DENND5B: variants seen among roughly 807,000 people sequenced by gnomAD.
DENND5B encodes DENN domain containing 5B, also known as DENN domain-containing protein 5B.
In DENND5B, 34 loss-of-function variants were observed where a neutral mutation model predicts 140.6. That is an observed-to-expected ratio of 0.24 (90% confidence interval 0.18 to 0.32). DENND5B has a LOEUF of 0.32. Among genes scored for constraint, DENND5B ranks in the 10% least tolerant of loss-of-function variants. The pLI, the probability that DENND5B is intolerant of heterozygous loss-of-function variation, is 1.00. For missense variants in DENND5B, 1,142 were observed against 1,560.2 expected (o/e 0.73, Z 4.52); for synonymous variants, 551 against 562.1 (o/e 0.98, Z 0.28).
At chr12:31,417,810 C>CA (rs1942828104) in intron 11 of DENND5B, among the ~76,000 whole-genome samples, 1 of 152,138 alleles carries the variant, frequency 6.6e-6, no homozygotes, top group African/African-American at 2.4e-5. Context: ...GAAATTCCAA[C>CA]ATCATACTCA....
At chr12:31,474,437 G>A (rs147262095) in intron 3 of DENND5B, among the ~76,000 whole-genome samples, 10 of 152,264 alleles carry the variant, frequency 6.6e-5, no homozygotes, top group African/African-American at 2.2e-4. Context: ...CTAGAAAAGA[G>A]CCTTCACATC....
In DENND5B at chr12:31,387,917, GGAGA is replaced by G. The variant is rs900107297; in HGVS notation, c.3642-135_3642-132del. ...AAAATGTATCCAAGCTAAGAGGTCA[GGAGA>G]GAGGAAATCAAAGCCAAGAAGTTGA... is the stretch of plus-strand genomic sequence containing the variant. On this transcript the variant is annotated intron_variant, in intron 20 of 20. Coordinates refer to ENST00000389082, the MANE Select transcript of DENND5B (RefSeq NM_144973.4). 1.6e-5 allele frequency: 14 copies of G among 890,644 alleles called. No homozygotes were observed. In the African/African-American group the frequency reaches 2.0e-4, roughly 13 times the overall value. The allele number at this position is 890,644 out of a possible 1,614,324, so 55.2% of individuals were successfully genotyped here.
chr12:31,530,916 T>C (rs1428129101), intron 1 of DENND5B, among the ~76,000 whole-genome samples: 1 of 152,210 alleles, frequency 6.6e-6, no homozygotes, highest in Non-Finnish European at 1.5e-5. Context: ...TCTCCTATTT[T>C]ACTCTAGGGA....
intron 14 of DENND5B, among the ~76,000 whole-genome samples, chr12:31,408,623 TCAAA>T (rs1565550434): frequency 5.7e-5 from 1 of 17,488 alleles, no homozygotes; most frequent in African/African-American, 1.4e-4. Flanking sequence ...TGAGACTCTA[TCAAA>T]AAAAAAAAAA....
At chr12:31,449,510 C>A (rs939270699) in intron 5 of DENND5B, among the ~76,000 whole-genome samples, 1 of 152,114 alleles carries the variant, frequency 6.6e-6, no homozygotes, top group Non-Finnish European at 1.5e-5. Context: ...AACGATTTGG[C>A]TTGTACGACT....
intron 1 of DENND5B, among the ~76,000 whole-genome samples, chr12:31,540,765 A>T (rs1408920915): frequency 6.6e-6 from 1 of 152,112 alleles, no homozygotes; most frequent in Admixed American, 6.6e-5. Context: ...TGAGGAAAAA[A>T]ACAAAACGAG....
chr12:31,415,506 A>G (rs1158596524), intron 11 of DENND5B, 58 bp from the exon 12 acceptor site: 1 of 1,360,012 alleles, frequency 7.4e-7, no homozygotes, highest in Non-Finnish European at 1.0e-6. Flanking sequence ...TACATGGTTC[A>G]TATTAAATAC....
intron 1 of DENND5B, among the ~76,000 whole-genome samples, chr12:31,588,397 G>A (rs1030480050): frequency 8.5e-5 from 13 of 152,168 alleles, no homozygotes; most frequent in African/African-American, 2.4e-4. Context: ...ACTATATACA[G>A]TCGGCACTTC....
chr12:31,484,800 C>CAAACAAAACA (rs56873909), intron 2 of DENND5B, among the ~76,000 whole-genome samples: 3 of 151,898 alleles, frequency 2.0e-5, no homozygotes, highest in Non-Finnish European at 2.9e-5. Flanking sequence ...GACTCCATCT[C>CAAACAAAACA]AAACAAAACA....
chr12:31,533,128 TG>T (rs1380881818), intron 1 of DENND5B, among the ~76,000 whole-genome samples: 1 of 152,248 alleles, frequency 6.6e-6, no homozygotes, highest in African/African-American at 2.4e-5. Flanking sequence ...CATTAAATAT[TG>T]TGAGCTATTA....
chr12:31,571,565 C>A (rs987058995), intron 1 of DENND5B, among the ~76,000 whole-genome samples: 1 of 151,658 alleles, frequency 6.6e-6, no homozygotes, highest in Admixed American at 6.6e-5. Context: ...TTAGAAAACT[C>A]CATTTTATCC....
intron 1 of DENND5B, among the ~76,000 whole-genome samples, chr12:31,534,314 G>T (rs78980041): frequency 6.6e-6 from 1 of 151,818 alleles, no homozygotes; most frequent in Non-Finnish European, 1.5e-5. Flanking sequence ...CATGTGCCAC[G>T]ATACTCAGCT....
chr12:31,419,975 GAAAAAAAAAAA>G (rs760912263), intron 11 of DENND5B: 1 of 779,546 alleles, frequency 1.3e-6, no homozygotes, highest in Non-Finnish European at 1.5e-6. Context: ...CTCCATCTCA[GAAAAAAAAAAA>G]AAAAAAAAAG....
chr12:31,485,920 G>T (rs564050930), intron 2 of DENND5B, among the ~76,000 whole-genome samples: 1 of 152,198 alleles, frequency 6.6e-6, no homozygotes, highest in Non-Finnish European at 1.5e-5. Flanking sequence ...GTGAGTGGGT[G>T]AGCTTTCAGA....
chr12:31,552,206 T>C (rs1245596410), intron 1 of DENND5B, among the ~76,000 whole-genome samples: 3 of 152,238 alleles, frequency 2.0e-5, no homozygotes, highest in Admixed American at 6.5e-5. Context: ...TGGGTTGTCA[T>C]AGATAGCTCT....
intron 1 of DENND5B, among the ~76,000 whole-genome samples, chr12:31,580,943 A>G (rs1565716975): frequency 1.3e-5 from 2 of 152,122 alleles, no homozygotes; most frequent in Admixed American, 6.6e-5. Context: ...CTCTACAAAA[A>G]AAATTTTTTT....
At chr12:31,509,990 G>A (rs1274536110) in intron 1 of DENND5B, among the ~76,000 whole-genome samples, 1 of 152,256 alleles carries the variant, frequency 6.6e-6, no homozygotes, top group Admixed American at 6.5e-5. Flanking sequence ...GATCTAGCTG[G>A]ACCTACTTTA....
intron 16 of DENND5B, 102 bp from the exon 17 acceptor site, chr12:31,398,464 C>T (rs1017914398): frequency 4.4e-5 from 52 of 1,176,496 alleles, no homozygotes; most frequent in Admixed American, 1.8e-4. Flanking sequence ...ACCACCACAC[C>T]TGGCTAATTT....
chr12:31,481,814 C>T (rs1030809752), intron 2 of DENND5B, among the ~76,000 whole-genome samples: 15 of 152,098 alleles, frequency 9.9e-5, no homozygotes, highest in African/African-American at 3.4e-4. Flanking sequence ...ATTAGACGTG[C>T]CTCTTAGCAC....
Sources: allele counts gnomAD v4.1 joint callset (sites outside exome capture counted in the v4.1 genomes callset), GRCh38; gene constraint gnomAD v4.1.1; transcripts MANE v1.5; gene names NCBI Gene and HGNC (gene_info 2026-07-23, HGNC 2026-07-21).